The following SHC3 variants were observed in gnomAD, a reference collection of about 807,000 sequenced individuals.
SHC3 encodes SHC adaptor protein 3.
Under a neutral mutation model 60.4 loss-of-function variants are expected in SHC3, and 15 were observed. The observed-to-expected ratio is 0.25, with a 90% confidence interval of 0.17 to 0.38. The LOEUF (loss-of-function observed/expected upper bound fraction) is 0.38, where lower values mean the gene tolerates loss of function less well. Ranked by LOEUF, SHC3 falls within the 10% of genes least tolerant of loss-of-function variation. The pLI, the probability that SHC3 is intolerant of heterozygous loss-of-function variation, is 1.00. For synonymous variants in SHC3, 294 were observed against 325.9 expected, an observed-to-expected ratio of 0.90 and a Z score of 1.05; for missense variants, 677 against 786.1, an observed-to-expected ratio of 0.86 and a Z score of 1.66.
intron 1 of SHC3, among the ~76,000 whole-genome samples, chr9:89,164,806 G>GTAA (rs1826762152): frequency 6.6e-6 from 1 of 152,066 alleles, no homozygotes; most frequent in South Asian, 2.1e-4. Flanking sequence ...GTATATAATA[G>GTAA]TAAATGTTGT....
chr9:89,119,474 A>G (rs1486919888), intron 1 of SHC3, among the ~76,000 whole-genome samples: 1 of 152,262 alleles, frequency 6.6e-6, no homozygotes, highest in African/African-American at 2.4e-5. Context: ...CATATTCTAT[A>G]TCAGACAAAT....
chr9:89,145,167 G>C (rs1826450951), intron 1 of SHC3, among the ~76,000 whole-genome samples: 1 of 152,172 alleles, frequency 6.6e-6, no homozygotes, highest in African/African-American at 2.4e-5. Context: ...TGGCATGTTG[G>C]TGGACCAACT....
At chr9:89,054,175 C>T (rs1587698501) in intron 6 of SHC3, among the ~76,000 whole-genome samples, 3 of 152,246 alleles carry the variant, frequency 2.0e-5, no homozygotes, top group East Asian at 3.9e-4. Context: ...TGGGAAGGGG[C>T]CTCTGTGGGA....
intron 4 of SHC3, among the ~76,000 whole-genome samples, chr9:89,074,691 C>CAAAAAAAAA (rs68051828): frequency 3.7e-3 from 224 of 59,912 alleles, no homozygotes; most frequent in Middle Eastern, 0.016. Flanking sequence ...GCCACTAAAG[C>CAAAAAAAAA]AAAAAAAAAA....
chr9:89,022,799 C>T (rs1826227714), intron 11 of SHC3, among the ~76,000 whole-genome samples: 1 of 152,156 alleles, frequency 6.6e-6, no homozygotes, highest in Non-Finnish European at 1.5e-5. Context: ...ATTTTAAGTG[C>T]ATCTTATTTA....
chr9:89,055,927 C>A (rs1168713059), intron 6 of SHC3, among the ~76,000 whole-genome samples: 1 of 152,192 alleles, frequency 6.6e-6, no homozygotes, highest in African/African-American at 2.4e-5. Flanking sequence ...ATAAAAACAT[C>A]TTTTAAAAGA....
chr9:89,032,905 G>C (rs1173619475), intron 11 of SHC3, among the ~76,000 whole-genome samples: 1 of 152,124 alleles, frequency 6.6e-6, no homozygotes, highest in African/African-American at 2.4e-5. Context: ...TGTCCCCACA[G>C]CAAGAATGTG....
chr9:89,132,565 T>C (rs1826262853), intron 1 of SHC3, among the ~76,000 whole-genome samples: 1 of 152,108 alleles, frequency 6.6e-6, no homozygotes, highest in South Asian at 2.1e-4. Context: ...AACAGAGATA[T>C]AGACCAATGG....
rs1172276584 is a variant in SHC3 at position 89,006,555 on chromosome 9, AAAC to A, written c.*6889_*6891del. ...CTTTTTGTTTCACAAAAGTTAATGG[AAAC>A]AAAACAACTTTCAGATAATATTCAT... On this transcript the variant is annotated 3_prime_UTR_variant, in exon 12 of 12. Coordinates refer to ENST00000375835, the MANE Select transcript of SHC3 (RefSeq NM_016848.6). 1 of 152,272 alleles carries A rather than the reference AAAC, an allele frequency of 6.6e-6. No homozygotes were observed. Among genetic ancestry groups the A allele is most frequent in the Non-Finnish European group, 1.5e-5 (1 of 68,052 alleles). 9.4% of individuals were successfully genotyped at this position (152,272 alleles called of 1,614,324 possible). A position where few individuals can be genotyped will look rare whatever the true frequency, so the allele number is the denominator to read the frequency against.
At chr9:89,113,704 A>G (rs1825982846) in intron 1 of SHC3, among the ~76,000 whole-genome samples, 1 of 152,186 alleles carries the variant, frequency 6.6e-6, no homozygotes. Context: ...TCGGGGGATT[A>G]CCATACCTAA....
At chr9:89,107,269 T>TG (rs1449419039) in intron 2 of SHC3, among the ~76,000 whole-genome samples, 2 of 152,220 alleles carry the variant, frequency 1.3e-5, no homozygotes, top group African/African-American at 4.8e-5. Context: ...TCCATGTTTC[T>TG]GGGGTAGTAT....
At chr9:89,034,336 T>A (rs1211515395) in intron 11 of SHC3, among the ~76,000 whole-genome samples, 1 of 152,196 alleles carries the variant, frequency 6.6e-6, no homozygotes, top group Non-Finnish European at 1.5e-5. Context: ...AATGAATGAA[T>A]AAATGGATGA....
At chr9:89,146,577 TA>T (rs1311248229) in intron 1 of SHC3, among the ~76,000 whole-genome samples, 1 of 152,204 alleles carries the variant, frequency 6.6e-6, no homozygotes, top group Non-Finnish European at 1.5e-5. Flanking sequence ...AATCCCATGT[TA>T]ACCTAGAAGG....
intron 2 of SHC3, among the ~76,000 whole-genome samples, chr9:89,107,393 C>T (rs1346396063): frequency 3.9e-5 from 6 of 152,174 alleles, no homozygotes; most frequent in Admixed American, 2.0e-4. Flanking sequence ...TGCATTTTTG[C>T]ACACAAATGC....
intron 6 of SHC3, among the ~76,000 whole-genome samples, chr9:89,063,037 A>C (rs1281278398): frequency 6.6e-6 from 1 of 152,240 alleles, no homozygotes; most frequent in African/African-American, 2.4e-5. Context: ...ACATGGTGAA[A>C]GCAGGGTTGA....
At chr9:89,076,208 A>G (rs1415467721) in intron 3 of SHC3, among the ~76,000 whole-genome samples, 1 of 152,098 alleles carries the variant, frequency 6.6e-6, no homozygotes, top group African/African-American at 2.4e-5. Context: ...CCTAGTTCCT[A>G]TAGTGGAGAC....
chr9:89,079,304 C>T (rs572712061), intron 2 of SHC3, among the ~76,000 whole-genome samples: 28 of 152,302 alleles, frequency 1.8e-4, no homozygotes, highest in African/African-American at 6.3e-4. Flanking sequence ...CTTTACAGAA[C>T]TATATAAACC....
chr9:89,092,349 G>A lies in SHC3; in HGVS notation c.546-14446C>T, dbSNP rs745321276. Among the ~76,000 whole-genome samples, 7 of 152,124 alleles carry A rather than the reference G, an allele frequency of 4.6e-5. No homozygotes were observed. In the South Asian group the frequency reaches 6.2e-4, roughly 14 times the overall value. ...AAAATCAGGTTTGGCCTGGCGCAGCGGCTCACGCCTGTAATCCCAGCACTT... is the reference window on the plus strand; with the variant it reads ...AAAATCAGGTTTGGCCTGGCGCAGCAGCTCACGCCTGTAATCCCAGCACTT... On this transcript the variant is annotated intron_variant, in intron 2 of 11. Transcript: ENST00000375835.
chr9:89,117,770 T>C (rs1433813107), intron 1 of SHC3, among the ~76,000 whole-genome samples: 1 of 152,152 alleles, frequency 6.6e-6, no homozygotes, highest in East Asian at 1.9e-4. Flanking sequence ...TATGCATTCA[T>C]TTATTTGTTT....
Sources: allele counts gnomAD v4.1 joint callset (sites outside exome capture counted in the v4.1 genomes callset), GRCh38; gene constraint gnomAD v4.1.1; transcripts MANE v1.5; gene names NCBI Gene and HGNC (gene_info 2026-07-23, HGNC 2026-07-21).